The following SORCS2 variants were observed in gnomAD, a reference collection of about 807,000 sequenced individuals.
The protein encoded by SORCS2 is VPS10 domain-containing receptor SorCS2.
SORCS2 carries 100 observed loss-of-function variants against 141.6 expected under a neutral mutation model. The ratio of observed to expected loss-of-function variants is 0.71; its 90% CI spans 0.60 to 0.83. The LOEUF (loss-of-function observed/expected upper bound fraction) is 0.83, where lower values mean the gene tolerates loss of function less well. Ranked by LOEUF, SORCS2 falls within the 40% of genes least tolerant of loss-of-function variation. The probability of loss-of-function intolerance (pLI) is 0.00; values close to 1 mark genes in which losing one functional copy is unlikely to be tolerated. For missense variants in SORCS2, 1,646 were observed against 1,560.2 expected (o/e 1.05, Z -0.93); for synonymous variants, 789 against 676.9 (o/e 1.17, Z -2.57).
intron 1 of SORCS2, among the ~76,000 whole-genome samples, chr4:7,365,058 G>A (rs1307564641): frequency 2.0e-5 from 3 of 152,202 alleles, no homozygotes; most frequent in Non-Finnish European, 4.4e-5. Context: ...CATGTCCAGC[G>A]CTGAGCACTG....
chr4:7,496,095 G>T (rs1731598582), intron 2 of SORCS2, among the ~76,000 whole-genome samples: 1 of 152,182 alleles, frequency 6.6e-6, no homozygotes, highest in Non-Finnish European at 1.5e-5. Flanking sequence ...TGGGGATTTG[G>T]AGCTCTCTTG....
intron 12 of SORCS2, among the ~76,000 whole-genome samples, chr4:7,701,467 G>A (rs916519705): frequency 7.2e-5 from 11 of 152,194 alleles, no homozygotes; most frequent in South Asian, 4.1e-4. Context: ...GGAGGGCAAC[G>A]GCACATGCAG....
intron 1 of SORCS2, among the ~76,000 whole-genome samples, chr4:7,282,174 A>G (rs974933906): frequency 6.6e-6 from 1 of 152,170 alleles, no homozygotes; most frequent in Non-Finnish European, 1.5e-5. Flanking sequence ...GTCATTACAG[A>G]TGGGAAGATC....
intron 25 of SORCS2, among the ~76,000 whole-genome samples, chr4:7,735,794 G>A (rs550923245): frequency 1.3e-5 from 2 of 152,290 alleles, no homozygotes; most frequent in South Asian, 4.1e-4. Context: ...TCTACCAGGT[G>A]CCCAGGTCAG....
intron 2 of SORCS2, among the ~76,000 whole-genome samples, chr4:7,464,650 G>A (rs1305675264): frequency 1.3e-5 from 2 of 152,150 alleles, no homozygotes; most frequent in Non-Finnish European, 2.9e-5. Context: ...TAGGACTAGG[G>A]GCTGCTGTAC....
At chr4:7,277,189 C>T (rs1056917049) in intron 1 of SORCS2, among the ~76,000 whole-genome samples, 6 of 152,130 alleles carry the variant, frequency 3.9e-5, no homozygotes, top group Admixed American at 6.5e-5. Flanking sequence ...TGTAAACTTT[C>T]CTGCTGTGAG....
intron 3 of SORCS2, among the ~76,000 whole-genome samples, chr4:7,597,249 C>T (rs1008392394): frequency 3.0e-5 from 4 of 133,784 alleles, no homozygotes; most frequent in African/African-American, 8.6e-5. Context: ...AAGGAGGCTA[C>T]GCAATAGGGG....
intron 1 of SORCS2, among the ~76,000 whole-genome samples, chr4:7,270,098 C>T (rs1715014636): frequency 6.6e-6 from 1 of 152,224 alleles, no homozygotes; most frequent in African/African-American, 2.4e-5. Flanking sequence ...CCAGGCTGGT[C>T]TTGAACTCCT....
At chr4:7,273,867 C>T in intron 1 of SORCS2, among the ~76,000 whole-genome samples, 1 of 152,284 alleles carries the variant, frequency 6.6e-6, no homozygotes, top group South Asian at 2.1e-4. Flanking sequence ...CATTTAGTGC[C>T]CCAGGGATTG....
intron 2 of SORCS2, among the ~76,000 whole-genome samples, chr4:7,438,674 CCTTTTTT>C (rs1181964785): frequency 2.6e-5 from 4 of 151,892 alleles, no homozygotes; most frequent in African/African-American, 9.7e-5. Context: ...CTTCCTCTTT[CCTTTTTT>C]CTTTTTTAAA....
At chr4:7,251,061 G>A (rs1156684791) in intron 1 of SORCS2, among the ~76,000 whole-genome samples, 2 of 152,268 alleles carry the variant, frequency 1.3e-5, no homozygotes, top group Non-Finnish European at 2.9e-5. Context: ...GTGGGTCCCA[G>A]TATCCTTGTC....
intron 9 of SORCS2, among the ~76,000 whole-genome samples, chr4:7,677,018 CCTCTCTCTCT>C (rs111328996): frequency 6.8e-6 from 1 of 146,658 alleles, no homozygotes; most frequent in Non-Finnish European, 1.5e-5. Flanking sequence ...GTGAAGTTGG[CCTCTCTCTCT>C]CTCTGTCTCT....
chr4:7,613,524 C>T (rs1718558302), intron 3 of SORCS2, among the ~76,000 whole-genome samples: 1 of 152,152 alleles, frequency 6.6e-6, no homozygotes, highest in African/African-American at 2.4e-5. Context: ...ACTCTGGGCC[C>T]CATGTGAGGA....
At chr4:7,389,638 C>T (rs1723731396) in intron 1 of SORCS2, among the ~76,000 whole-genome samples, 1 of 152,174 alleles carries the variant, frequency 6.6e-6, no homozygotes, top group Non-Finnish European at 1.5e-5. Flanking sequence ...GCAGTTCCTC[C>T]CCTCCTGGGG....
intron 1 of SORCS2, among the ~76,000 whole-genome samples, chr4:7,356,461 G>T (rs910664389): frequency 6.6e-6 from 1 of 152,116 alleles, no homozygotes; most frequent in South Asian, 2.1e-4. Context: ...CTCACATGGC[G>T]TTGGCTCAGT....
rs1254452323 is a variant in SORCS2, at chr4:7,375,677, TA to T, written c.481-20605del. Among the ~76,000 whole-genome samples, 7 of 152,098 alleles carry T rather than the reference TA, an allele frequency of 4.6e-5. No homozygotes were observed. In the South Asian group the frequency reaches 1.5e-3, roughly 32 times the overall value. On this transcript the variant is annotated intron_variant, in intron 1 of 26. Coordinates refer to ENST00000507866, the MANE Select transcript of SORCS2 (RefSeq NM_020777.3). ...ACTGGTAATAGCAGCTGAAAGCAGT[TA>T]AAAAAGAGAAACCAAAACAAAAATG...
At chr4:7,300,188 C>T (rs990628717) in intron 1 of SORCS2, among the ~76,000 whole-genome samples, 11 of 152,060 alleles carry the variant, frequency 7.2e-5, no homozygotes, top group African/African-American at 2.4e-4. Context: ...GAGGGTGCAA[C>T]GAAGGCACAG....
intron 2 of SORCS2, among the ~76,000 whole-genome samples, chr4:7,511,291 AGGAGGGAG>A (rs1049477777): frequency 1.2e-4 from 18 of 150,780 alleles, no homozygotes; most frequent in African/African-American, 3.9e-4. Context: ...GAGAGAGAGA[AGGAGGGAG>A]ATGGATGGGA....
intron 3 of SORCS2, among the ~76,000 whole-genome samples, chr4:7,538,828 C>T (rs115282041): frequency 0.039 from 5,932 of 152,294 alleles, 391 homozygotes; most frequent in African/African-American, 0.14. Flanking sequence ...GCACTCAGGA[C>T]TGAGCAATGA....
Sources: allele counts gnomAD v4.1 joint callset (sites outside exome capture counted in the v4.1 genomes callset), GRCh38; gene constraint gnomAD v4.1.1; transcripts MANE v1.5; gene names NCBI Gene and HGNC (gene_info 2026-07-23, HGNC 2026-07-21).